Variants in HERC1 observed in about 807,000 individuals in gnomAD.
HERC1 encodes the protein probable E3 ubiquitin-protein ligase HERC1.
Under a neutral mutation model 554.3 loss-of-function variants are expected in HERC1, and 160 were observed. The ratio of observed to expected loss-of-function variants is 0.29; its 90% CI spans 0.25 to 0.33. HERC1 has a LOEUF of 0.33. Among genes scored for constraint, HERC1 ranks in the 10% least tolerant of loss-of-function variants. HERC1 has a pLI of 1.00. For synonymous variants in HERC1, 2,175 were observed against 2,131.7 expected (o/e 1.02, Z -0.56); for missense variants, 4,919 against 5,918.5 (o/e 0.83, Z 5.54).
intron 36 of HERC1, among the ~76,000 whole-genome samples, chr15:63,679,098 T>C (rs915429369): frequency 6.6e-6 from 1 of 152,344 alleles, no homozygotes. Flanking sequence ...AATAAATTAA[T>C]TGATACATAG....
chr15:63,625,917 C>G, intron 71 of HERC1, 68 bp downstream of exon 71: 2 of 1,506,908 alleles, frequency 1.3e-6, no homozygotes, highest in South Asian at 1.2e-5. Context: ...TGGGGCCTGG[C>G]GAGCATGTCA....
At chr15:63,653,325 C>G (rs751947309) in intron 51 of HERC1, among the ~76,000 whole-genome samples, 1 of 152,040 alleles carries the variant, frequency 6.6e-6, no homozygotes, top group South Asian at 2.1e-4. Context: ...CATCTGTAAT[C>G]CCAGCTATGC....
At chr15:63,632,361 G>A (rs2068598658) in intron 68 of HERC1, 1 of 322,876 alleles carries the variant, frequency 3.1e-6, no homozygotes, top group Non-Finnish European at 5.9e-6. Context: ...CCAGTCCCTA[G>A]AAGGGATGAA....
Position 63,674,449 on chromosome 15 carries a change from A to G in HERC1, c.7739T>C (p.Ile2580Thr). 6.2e-7 allele frequency: 1 copy of G among 1,613,884 alleles called. No homozygotes were observed. The highest frequency in any genetic ancestry group is 8.5e-7 in the Non-Finnish European group (1 of 1,179,852). The change falls in exon 38 of 78, where the codon ATA becomes ACA. Residue 2580 changes from isoleucine (I) to threonine (T), a missense_variant. Physicochemically the swap from Ile to Thr is moderately conservative, Grantham distance 89. Transcript: ENST00000443617. Reference protein sequence around the residue: ...MVKRAVMRSPIKRALGLADLE... With the variant: ...MVKRAVMRSPTKRALGLADLE... ...ATCAGCTAATCCCAATGCTCTCTTT[A>G]TGGGTGACCGCATGACTGCTCGCTT...
At chr15:63,723,423 A>G in intron 18 of HERC1, 68 bp from the exon 19 acceptor site, 4 of 1,037,968 alleles carry the variant, frequency 3.9e-6, no homozygotes, top group Non-Finnish European at 5.5e-6. Flanking sequence ...AAATCTTACC[A>G]CATTTATTTA....
At chr15:63,781,865 C>A (rs1185977016) in intron 1 of HERC1, among the ~76,000 whole-genome samples, 1 of 152,198 alleles carries the variant, frequency 6.6e-6, no homozygotes, top group Non-Finnish European at 1.5e-5. Flanking sequence ...GTGAAATCGC[C>A]TTTTTCCTGA....
Position 63,706,782 on chromosome 15 carries a change from C to G in HERC1, c.4634G>C (p.Arg1545Thr), listed in dbSNP as rs938094148. The G allele has an allele frequency of 6.5e-7, 1 of 1,533,640 alleles. No homozygotes were observed. The highest frequency in any genetic ancestry group is 1.4e-5 in the African/African-American group (1 of 72,768). ...ATGTTCTTAATACTTACACTTACCT[C>G]TCTTTCTGTGAGATGCTGCCAAATC... ...DLDLAASHRK[R>T]GPMHSQLESL... The change falls in exon 25 of 78, where the codon AGA becomes ACA. Residue 1545 changes from arginine (R) to threonine (T), a missense_variant and splice_region_variant. This residue lies in a region of HERC1 where 1,121 missense variants were observed against 1,244.0 expected (regional missense o/e 0.90). Transcript: ENST00000443617.
At chr15:63,653,468 C>T (rs1366347205) in intron 51 of HERC1, among the ~76,000 whole-genome samples, 1 of 152,144 alleles carries the variant, frequency 6.6e-6, no homozygotes, top group Non-Finnish European at 1.5e-5. Context: ...ATTCAATCTT[C>T]ATTTCTTGTT....
chr15:63,784,420 T>C (rs1304611944), intron 1 of HERC1, among the ~76,000 whole-genome samples: 2 of 152,178 alleles, frequency 1.3e-5, no homozygotes, highest in Non-Finnish European at 2.9e-5. Flanking sequence ...ATAGTTCATA[T>C]ACAGTAACAT....
chr15:63,615,745 C>G (rs771212463), intron 76 of HERC1, 23 bp downstream of exon 76: 2 of 1,555,616 alleles, frequency 1.3e-6, no homozygotes. Context: ...TTCATGTGTA[C>G]CTCCCGAGAT....
At chr15:63,744,821 C>G (rs1021228078) in intron 12 of HERC1, among the ~76,000 whole-genome samples, 15 of 152,174 alleles carry the variant, frequency 9.9e-5, no homozygotes, top group African/African-American at 3.4e-4. Flanking sequence ...TCAGGGATCC[C>G]AAGAGTGTAT....
In HERC1 at chr15:63,749,906, G is replaced by A; in HGVS notation, c.1903-115C>T. The A allele has an allele frequency of 7.1e-6, 6 of 844,122 alleles. No homozygotes were observed. Among genetic ancestry groups the A allele is most frequent in the Non-Finnish European group, 1.0e-5 (6 of 577,804 alleles). The allele number at this position is 844,122 out of a possible 1,614,324, so 52.3% of individuals were successfully genotyped here. Reference sequence around the variant, plus strand: ...GTGGTTTGATAGTAAATAACTTTCTGATGTTAAAATCATTTTGATCATTTT... The same window carrying A: ...GTGGTTTGATAGTAAATAACTTTCTAATGTTAAAATCATTTTGATCATTTT... On this transcript the variant is annotated intron_variant, in intron 8 of 77. Transcript: ENST00000443617. The surrounding 1 kb of genome is among the most constrained non-coding windows in gnomAD (Gnocchi z 4.1).
In HERC1 at chr15:63,677,946, A is replaced by G. The variant is rs1249754402; in HGVS notation, c.6969T>C (p.Cys2323=). 3 of 1,613,890 alleles carry G rather than the reference A, an allele frequency of 1.9e-6. No homozygotes were observed. Among genetic ancestry groups the G allele is most frequent in the East Asian group, 4.5e-5 (2 of 44,896 alleles). The change falls in exon 37 of 78, where the codon TGT becomes TGC. Residue 2323 remains cysteine (C), a synonymous_variant. Transcript: ENST00000443617. The surrounding 1 kb of genome is among the most constrained non-coding windows in gnomAD (Gnocchi z 4.4). ...VDAGLRVGGR[C]VHKQTGRHAT... is the part of the protein sequence containing the mutation. ...CATGGCGCCCAGTTTGCTTGTGAAC[A>G]CACCGACCTCCAACTCTAAGACCAG...
At chr15:63,776,166 C>T (rs1285982692) in intron 1 of HERC1, among the ~76,000 whole-genome samples, 1 of 152,064 alleles carries the variant, frequency 6.6e-6, no homozygotes, top group African/African-American at 2.4e-5. Flanking sequence ...TTTTTATCTC[C>T]AACCCAGGCC....
chr15:63,733,154 C>A lies in HERC1; in HGVS notation c.2647-9G>T, dbSNP rs749386130. The A allele has an allele frequency of 3.8e-6, 6 of 1,584,820 alleles. No homozygotes were observed. The highest frequency in any genetic ancestry group is 1.7e-4 in the Middle Eastern group (1 of 6,016). ...ATATCCAGTTGCATTCTCTAAAGAA[C>A]AATAAAATAGGAACAAGTAACTAGC... On this transcript the variant is annotated splice_polypyrimidine_tract_variant and intron_variant, in intron 13 of 77. Coordinates refer to ENST00000443617, the MANE Select transcript of HERC1 (RefSeq NM_003922.4).
In HERC1 at chr15:63,677,911, A is replaced by G; in HGVS notation, c.7004T>C (p.Leu2335Pro). 1 of 1,614,004 alleles carries G rather than the reference A, an allele frequency of 6.2e-7. No individual in the cohort carries two copies. Among genetic ancestry groups the G allele is most frequent in the Non-Finnish European group, 8.5e-7 (1 of 1,179,876 alleles). ...HKQTGRHATL[L>P]GVVKEGSTSA... ...CGTGCTGCCCTCTTTGACCACTCCC[A>G]GCAGCGTGGCATGGCGCCCAGTTTG... The change falls in exon 37 of 78, where the codon CTG becomes CCG. Residue 2335 changes from leucine (L) to proline (P), a missense_variant. Around this residue, in one of 11 missense-constraint regions of HERC1, gnomAD observed 1,963 missense variants for 2,228.6 expected, o/e 0.88. Coordinates refer to ENST00000443617, the MANE Select transcript of HERC1 (RefSeq NM_003922.4). This position sits in a 1 kb window ranked among gnomAD's most constrained non-coding sequence, Gnocchi z 4.4.
chr15:63,763,347 T>G lies in HERC1; in HGVS notation c.1026+749A>C, dbSNP rs151149290. Reference sequence around the variant, plus strand: ...AGATAGAACCTAATGGAAGAATACATGTATACAGACATAACACCTGAGACT... The same window carrying G: ...AGATAGAACCTAATGGAAGAATACAGGTATACAGACATAACACCTGAGACT... On this transcript the variant is annotated intron_variant, in intron 3 of 77. Coordinates refer to ENST00000443617, the MANE Select transcript of HERC1 (RefSeq NM_003922.4). Among the ~76,000 whole-genome samples the G allele has an allele frequency of 7.1e-3, 1,085 of 152,286 alleles. 14 individuals carry two copies. Among genetic ancestry groups the G allele is most frequent in the African/African-American group, 0.025 (1,044 of 41,558 alleles).
Position 63,769,422 on chromosome 15 carries a change from A to G in HERC1, c.931-5231T>C, listed in dbSNP as rs573915322. Among the ~76,000 whole-genome samples the G allele has an allele frequency of 2.0e-5, 3 of 152,244 alleles. No individual in the cohort carries two copies. The South Asian group carries it at 6.2e-4, about 32-fold the overall frequency. The stretch of plus-strand genomic sequence containing the variant: ...GTGACAGAGTGAGACTCTGTTTCCA[A>G]AAAAAACAGGGCTAAAGCTGGGCAT... On this transcript the variant is annotated intron_variant, in intron 2 of 77. Coordinates refer to ENST00000443617, the MANE Select transcript of HERC1 (RefSeq NM_003922.4).
At chr15:63,636,378 C>A (rs1402904133) in intron 64 of HERC1, among the ~76,000 whole-genome samples, 7 of 151,112 alleles carry the variant, frequency 4.6e-5, no homozygotes, top group Admixed American at 2.0e-4. Context: ...TCAAGTGATT[C>A]TCTTGCCTCA....
Sources: allele counts gnomAD v4.1 joint callset (sites outside exome capture counted in the v4.1 genomes callset), GRCh38; gene constraint gnomAD v4.1.1; regional missense constraint gnomAD v4.1.1; non-coding constraint Gnocchi (gnomAD v3.1); transcripts MANE v1.5; gene names NCBI Gene and HGNC (gene_info 2026-07-23, HGNC 2026-07-21).